Variants in SLC5A5 observed in about 807,000 individuals in gnomAD.
SLC5A5 encodes sodium/iodide cotransporter.
A neutral mutation model predicts 68.6 loss-of-function variants in SLC5A5; 56 were observed. The observed-to-expected ratio is 0.82, with a 90% CI of 0.66 to 1.02. SLC5A5 has a LOEUF of 1.02. Ranked by LOEUF, SLC5A5 falls within the 50% of genes least tolerant of loss-of-function variation. The pLI, the probability that SLC5A5 is intolerant of heterozygous loss-of-function variation, is 0.00. For synonymous variants in SLC5A5, 398 were observed against 373.0 expected, an observed-to-expected ratio of 1.07 and a Z score of -0.77; for missense variants, 807 against 859.8, an observed-to-expected ratio of 0.94 and a Z score of 0.77.
Position 17,874,236 on chromosome 19 carries a change from G to A in SLC5A5, c.423+33G>A, listed in dbSNP as rs1384940974. ...GCCTCGGCCCCGCCCTCCGCTCAGG[G>A]CCCCGAGAGCGTCAGCCTTCACTAG... On this transcript the variant is annotated intron_variant, in intron 2 of 14. Coordinates refer to ENST00000222248, the MANE Select transcript of SLC5A5 (RefSeq NM_000453.3). 4 of 1,496,076 alleles carry A rather than the reference G, an allele frequency of 2.7e-6. No homozygotes were observed. In the East Asian group the frequency reaches 6.8e-5, roughly 25 times the overall value. The allele number at this position is 1,496,076 out of a possible 1,614,324, so 92.7% of individuals were successfully genotyped here. A position where few individuals can be genotyped will look rare whatever the true frequency, so the allele number is the denominator to read the frequency against.
chr19:17,875,980 A>T lies in SLC5A5; in HGVS notation c.572A>T (p.Asp191Val). The T allele has an allele frequency of 6.2e-7, 1 of 1,614,068 alleles. No individual in the cohort carries two copies. Among genetic ancestry groups the T allele is most frequent in the Non-Finnish European group, 8.5e-7 (1 of 1,180,004 alleles). Residue 191 changes from aspartate to valine, a missense_variant, in exon 5 of 15, where the codon GAT becomes GTT. Physicochemically the swap from Asp to Val is radical, Grantham distance 152 (BLOSUM62 -3). Coordinates refer to ENST00000222248, the MANE Select transcript of SLC5A5 (RefSeq NM_000453.3). ...GGCATGAAGGCTGTGGTCTGGACTGATGTGTTCCAGGTCGTGGTGATGCTA... is the reference window on the plus strand; with the variant it reads ...GGCATGAAGGCTGTGGTCTGGACTGTTGTGTTCCAGGTCGTGGTGATGCTA... Reference protein sequence around the residue: ...VGGMKAVVWTDVFQVVVMLSG... With the variant: ...VGGMKAVVWTVVFQVVVMLSG...
At chr19:17,887,529 G>T (rs551464051) in intron 12 of SLC5A5, among the ~76,000 whole-genome samples, 1 of 151,670 alleles carries the variant, frequency 6.6e-6, no homozygotes, top group African/African-American at 2.4e-5. Context: ...CCTGACCTCA[G>T]CCTGCCTCAG....
intron 13 of SLC5A5, 133 bp downstream of exon 13, chr19:17,888,588 C>CTTATTATTA (rs10651875): frequency 0.012 from 5,603 of 468,862 alleles, 114 homozygotes; most frequent in African/African-American, 0.058. Flanking sequence ...ACATTTGTAC[C>CTTATTATTA]TTATTATTAT....
intron 2 of SLC5A5, 104 bp downstream of exon 2, chr19:17,874,307 G>A (rs1599909159): frequency 6.9e-6 from 2 of 288,802 alleles, no homozygotes; most frequent in Middle Eastern, 1.8e-3. Context: ...CGCCCCCCAT[G>A]CTCCCGTTCT....
chr19:17,881,079 C>G (rs185729562), intron 8 of SLC5A5, 126 bp downstream of exon 8: 92 of 771,504 alleles, frequency 1.2e-4, no homozygotes, highest in Admixed American at 2.8e-4. Flanking sequence ...CCTGCTTGAT[C>G]CCTAGAAGAC....
At chr19:17,881,423 C>T (rs1440340034) in intron 8 of SLC5A5, among the ~76,000 whole-genome samples, 1 of 152,106 alleles carries the variant, frequency 6.6e-6, no homozygotes, top group Non-Finnish European at 1.5e-5. Flanking sequence ...CACGCCACCA[C>T]AGCCGGCTAA....
chr19:17,877,494 A>G (rs938506754), intron 5 of SLC5A5, among the ~76,000 whole-genome samples: 5 of 152,086 alleles, frequency 3.3e-5, no homozygotes, highest in Admixed American at 2.0e-4. Flanking sequence ...ATTTTTATAG[A>G]GATGGGGTTT....
At chr19:17,882,387 G>A (rs2094322735) in intron 10 of SLC5A5, among the ~76,000 whole-genome samples, 168 bp downstream of exon 10, 1 of 151,252 alleles carries the variant, frequency 6.6e-6, no homozygotes, top group Non-Finnish European at 1.5e-5. Context: ...CCAGGTTGGT[G>A]AGCAGAGGCC....
chr19:17,888,437 C>T lies in SLC5A5; in HGVS notation c.1633C>T (p.Leu545Phe). 1 of 1,613,808 alleles carries T rather than the reference C, an allele frequency of 6.2e-7. No individual in the cohort carries two copies. The highest frequency in any genetic ancestry group is 1.1e-5 in the South Asian group (1 of 91,062). The change falls in exon 13 of 15, where the codon CTC becomes TTC. Residue 545 changes from leucine to phenylalanine, a missense_variant. Transcript: ENST00000222248. ...GTLTTVLCGA[L>F]ISCLTGPTKR... ...GCTGACCACTGTGCTGTGCGGAGCC[C>T]TCATCAGCTGCCTGACAGGTAGGTA...
chr19:17,892,698 G>GAGAGAGAGAGAGAGAGAGAGAGAGA (rs2030233534), intron 14 of SLC5A5, among the ~76,000 whole-genome samples: 1 of 141,232 alleles, frequency 7.1e-6, no homozygotes, highest in Non-Finnish European at 1.5e-5. Flanking sequence ...GAGAGAGAGA[G>GAGAGAGAGAGAGAGAGAGAGAGAGA]CAAGCTAAAA....
chr19:17,877,695 G>T (rs761020053), intron 5 of SLC5A5, 28 bp from the exon 6 acceptor site: 28 of 1,613,556 alleles, frequency 1.7e-5, no homozygotes, highest in African/African-American at 4.0e-5. Context: ...ACATCTCCAC[G>T]TGGCTAACTT....
intron 14 of SLC5A5, among the ~76,000 whole-genome samples, chr19:17,891,246 C>A (rs1251323855): frequency 6.6e-6 from 1 of 152,068 alleles, no homozygotes; most frequent in African/African-American, 2.4e-5. Context: ...CGCTCTGTTG[C>A]CCAGGCTGGA....
Position 17,874,187 on chromosome 19 carries a change from A to G in SLC5A5, c.407A>G (p.Gln136Arg), listed in dbSNP as rs764887577. 1.2e-6 allele frequency: 2 copies of G among 1,611,462 alleles called. No homozygotes were observed. Among genetic ancestry groups the G allele is most frequent in the Non-Finnish European group, 1.7e-6 (2 of 1,178,246 alleles). The change falls in exon 2 of 15, where the codon CAG (glutamine) becomes CGG (arginine). Residue 136 changes from glutamine (Q) to arginine (R), a missense_variant. By Grantham distance (43) the Gln-to-Arg change is conservative. Transcript: ENST00000222248. The part of the protein sequence containing the change: ...SRAVRLCGTL[Q>R]YIVATMLYTG... The stretch of plus-strand genomic sequence containing the variant: ...GCAGTGCGGCTCTGCGGGACTTTGC[A>G]GTACATTGTAGCCACGGTGAGTGGC...
At position 17,884,040 on chromosome 19, in the gene SLC5A5, C is replaced by T; in HGVS notation, c.1520C>T (p.Ala507Val). 6.4e-7 allele frequency: 1 copy of T among 1,562,420 alleles called. No individual in the cohort carries two copies. ...ALLPANDSSR[A>V]PSSGMDASRP... Reference sequence around the variant, plus strand: ...CTCCCTGCTAACGACTCCAGCAGGGCCCCCAGGTGAGCAGACTTGAGGGTA... The same window carrying T: ...CTCCCTGCTAACGACTCCAGCAGGGTCCCCAGGTGAGCAGACTTGAGGGTA... Residue 507 changes from alanine to valine, a missense_variant, in exon 12 of 15, where the codon GCC (alanine) becomes GTC (valine). Physicochemically the swap from Ala to Val is moderately conservative, Grantham distance 64 (BLOSUM62 0). Coordinates refer to ENST00000222248, the MANE Select transcript of SLC5A5 (RefSeq NM_000453.3).
rs1375480145 is a variant in SLC5A5, at chr19:17,895,002, A to C, written c.*1125A>C. 6.6e-6 allele frequency: 1 copy of C among 152,116 alleles called. No homozygotes were observed. The highest frequency in any genetic ancestry group is 1.5e-5 in the Non-Finnish European group (1 of 68,060). 9.4% of individuals were successfully genotyped at this position (152,116 alleles called of 1,614,324 possible). A position where few individuals can be genotyped will look rare whatever the true frequency, so the allele number is the denominator to read the frequency against. ...ACAGAGGCAGTGGTTGGATCAATGC[A>C]TCTACGAGTCGGAGAACCCAAGGAT... On this transcript the variant is annotated 3_prime_UTR_variant, in exon 15 of 15. Coordinates refer to ENST00000222248, the MANE Select transcript of SLC5A5 (RefSeq NM_000453.3).
chr19:17,875,315 C>T (rs1372152757), intron 4 of SLC5A5, among the ~76,000 whole-genome samples: 2 of 150,306 alleles, frequency 1.3e-5, no homozygotes, highest in Non-Finnish European at 3.0e-5. Context: ...GGTTGCGGTG[C>T]GTGGAGATTG....
rs753355448 is a variant in SLC5A5 at position 17,874,179 on chromosome 19, G to T, written c.399G>T (p.Gly133=). 2 of 1,612,432 alleles carry T rather than the reference G, an allele frequency of 1.2e-6. No homozygotes were observed. The highest frequency in any genetic ancestry group is 1.7e-6 in the Non-Finnish European group (2 of 1,179,028). ...TCAGCCGCGCAGTGCGGCTCTGCGG[G>T]ACTTTGCAGTACATTGTAGCCACGG... The part of the protein sequence containing the change: ...MRFSRAVRLC[G]TLQYIVATML... The change falls in exon 2 of 15, where the codon GGG becomes GGT. Residue 133 remains glycine (G), a synonymous_variant. Transcript: ENST00000222248.
At chr19:17,883,319 A>T (rs59246515) in intron 10 of SLC5A5, among the ~76,000 whole-genome samples, 1 of 145,084 alleles carries the variant, frequency 6.9e-6, no homozygotes, top group Non-Finnish European at 1.5e-5. Context: ...GGGAAGGGGG[A>T]GGTGGCGACA....
chr19:17,889,504 C>T (rs556968551), intron 13 of SLC5A5, among the ~76,000 whole-genome samples: 5 of 152,216 alleles, frequency 3.3e-5, no homozygotes, highest in African/African-American at 9.6e-5. Flanking sequence ...AGACAGGTCT[C>T]ACTGTTACCC....
Sources: gnomAD v4.1 joint callset for allele counts (sites outside exome capture counted in the v4.1 genomes callset) on GRCh38, gnomAD v4.1.1 for gene constraint, MANE v1.5 for transcripts, NCBI Gene and HGNC (gene_info 2026-07-23, HGNC 2026-07-21) for gene names.